GPR107: variants seen among roughly 807,000 people sequenced by gnomAD.
The protein encoded by GPR107 is G protein-coupled receptor 107, also known as protein GPR107.
In GPR107, 31 loss-of-function variants were observed where a neutral mutation model predicts 75.5. The observed-to-expected ratio is 0.41, with a 90% CI of 0.31 to 0.55. The LOEUF (loss-of-function observed/expected upper bound fraction) is 0.55. Ranked by LOEUF, GPR107 falls within the 20% of genes least tolerant of loss-of-function variation. The pLI, the probability that GPR107 is intolerant of heterozygous loss-of-function variation, is 0.26. For missense variants in GPR107, 572 were observed against 665.7 expected, an observed-to-expected ratio of 0.86 and a Z score of 1.55; for synonymous variants, 267 against 251.3, an observed-to-expected ratio of 1.06 and a Z score of -0.59.
At chr9:130,084,250 T>C (rs13290175) in intron 6 of GPR107, among the ~76,000 whole-genome samples, 1 of 150,780 alleles carries the variant, frequency 6.6e-6, no homozygotes, top group Non-Finnish European at 1.5e-5. Flanking sequence ...ATACAAAAAT[T>C]AGCTGGGCTT....
At chr9:130,063,227 G>T (rs1014817403) in intron 1 of GPR107, among the ~76,000 whole-genome samples, 1 of 150,362 alleles carries the variant, frequency 6.7e-6, no homozygotes, top group African/African-American at 2.5e-5. Flanking sequence ...GTCTCGCTCT[G>T]TCGCCCAGGC....
chr9:130,087,587 G>T (rs1354951564), intron 7 of GPR107, among the ~76,000 whole-genome samples: 2 of 151,940 alleles, frequency 1.3e-5, no homozygotes, highest in Non-Finnish European at 2.9e-5. Context: ...GATCACTTGA[G>T]CCCAGGAGTT....
Position 130,112,764 on chromosome 9 carries a change from T to A in GPR107, c.1306+5225T>A, listed in dbSNP as rs1335626586. The stretch of plus-strand genomic sequence containing the variant: ...TTTGTTGTTTTTTATTTATTTATTT[T>A]TTTGAGACAGGGTCTTGCACTGTTG... On this transcript the variant is annotated intron_variant, in intron 14 of 17. Transcript: ENST00000347136. The surrounding 1 kb of genome is among the most constrained non-coding windows in gnomAD (Gnocchi z 4.0). 1.3e-5 allele frequency among the ~76,000 whole-genome samples: 2 copies of A among 152,116 alleles called. No homozygotes were observed. The highest frequency in any genetic ancestry group is 2.9e-5 in the Non-Finnish European group (2 of 68,018).
chr9:130,133,495 A>G (rs954752369), intron 17 of GPR107, among the ~76,000 whole-genome samples: 16 of 152,174 alleles, frequency 1.1e-4, no homozygotes, highest in Admixed American at 8.5e-4. Flanking sequence ...GGGGGCTGCT[A>G]CGTGGCTCGG....
intron 17 of GPR107, chr9:130,129,775 A>G (rs1244637772): frequency 6.6e-6 from 1 of 152,102 alleles, no homozygotes; most frequent in African/African-American, 2.4e-5. Context: ...ATAACCTAAG[A>G]CGCGGTGTGT....
chr9:130,108,848 A>G (rs2132622131), intron 14 of GPR107: 1 of 436,392 alleles, frequency 2.3e-6, no homozygotes, highest in Admixed American at 2.6e-5. Context: ...GGTTCTTTTC[A>G]GTGGCTTTAA....
rs371998212 is a variant in GPR107, at chr9:130,059,612, A to G, written c.141+5539A>G. ...CATGGCTACAATGCTATTATAACAA[A>G]AAAATCCTTAGTATCATATGTCAGA... On this transcript the variant is annotated intron_variant, in intron 1 of 17. Coordinates refer to ENST00000347136, the MANE Select transcript of GPR107 (RefSeq NM_020960.5). Among the ~76,000 whole-genome samples, 95 of 152,344 alleles carry G rather than the reference A, an allele frequency of 6.2e-4. 1 individual carries two copies. The South Asian group carries it at 0.02, about 32-fold the overall frequency.
At chr9:130,075,302 T>C (rs1830316259) in intron 1 of GPR107, among the ~76,000 whole-genome samples, 1 of 141,084 alleles carries the variant, frequency 7.1e-6, no homozygotes. Flanking sequence ...TAGAGTGCAG[T>C]GGCATGATCT....
chr9:130,117,268 T>C (rs1054321167), intron 14 of GPR107, among the ~76,000 whole-genome samples: 1 of 152,176 alleles, frequency 6.6e-6, no homozygotes, highest in Non-Finnish European at 1.5e-5. Flanking sequence ...TTCGATTCAT[T>C]TTCACATGAC....
At chr9:130,067,659 G>T (rs1179882816) in intron 1 of GPR107, among the ~76,000 whole-genome samples, 1 of 148,358 alleles carries the variant, frequency 6.7e-6, no homozygotes. Context: ...TATGTGCAAT[G>T]AGCCAAGAAT....
intron 17 of GPR107, among the ~76,000 whole-genome samples, chr9:130,131,913 C>T (rs888953946): frequency 1.3e-5 from 2 of 152,170 alleles, no homozygotes; most frequent in Non-Finnish European, 2.9e-5. Context: ...CAGGGTCTCA[C>T]TCTGTCACCC....
At chr9:130,077,467 A>G (rs1830377368) in intron 4 of GPR107, 89 bp downstream of exon 4, 3 of 765,408 alleles carry the variant, frequency 3.9e-6, no homozygotes, top group Admixed American at 1.8e-5. Context: ...GGTGTCTGCC[A>G]TGTGCCAGAG....
chr9:130,085,994 G>T (rs1830607363), intron 6 of GPR107, among the ~76,000 whole-genome samples: 3 of 151,964 alleles, frequency 2.0e-5, no homozygotes, highest in African/African-American at 7.3e-5. Flanking sequence ...CAAGTGATCT[G>T]CCCACCTTGG....
chr9:130,105,878 T>C (rs1459319556), intron 13 of GPR107, among the ~76,000 whole-genome samples: 1 of 151,740 alleles, frequency 6.6e-6, no homozygotes, highest in African/African-American at 2.4e-5. Context: ...CAGGCTGGTC[T>C]CAAACTCCTG....
intron 6 of GPR107, among the ~76,000 whole-genome samples, chr9:130,085,411 A>G (rs1473835679): frequency 6.6e-6 from 1 of 152,202 alleles, no homozygotes; most frequent in Non-Finnish European, 1.5e-5. Flanking sequence ...GGGGACATCT[A>G]AATGGTGATG....
intron 1 of GPR107, among the ~76,000 whole-genome samples, chr9:130,058,034 G>C (rs1032892104): frequency 6.6e-6 from 1 of 151,990 alleles, no homozygotes; most frequent in Non-Finnish European, 1.5e-5. Context: ...TTGCCATATT[G>C]ATCAGGCTAG....
chr9:130,062,306 G>C (rs1221591617), intron 1 of GPR107, among the ~76,000 whole-genome samples: 1 of 151,608 alleles, frequency 6.6e-6, no homozygotes, highest in Non-Finnish European at 1.5e-5. Flanking sequence ...CCAGCTACTC[G>C]GGAGGCTGCG....
intron 9 of GPR107, among the ~76,000 whole-genome samples, chr9:130,096,369 C>G (rs531093769): frequency 6.6e-6 from 1 of 152,184 alleles, no homozygotes; most frequent in South Asian, 2.1e-4. Flanking sequence ...GTGCCAGGCC[C>G]CTCTCCTGCT....
intron 13 of GPR107, among the ~76,000 whole-genome samples, chr9:130,106,161 G>T (rs941605174): frequency 2.0e-5 from 3 of 152,130 alleles, no homozygotes; most frequent in Admixed American, 2.0e-4. Flanking sequence ...AAGCTGTCGA[G>T]GTGTAAGCAG....
Sources: gnomAD v4.1 joint callset for allele counts (sites outside exome capture counted in the v4.1 genomes callset) on GRCh38, gnomAD v4.1.1 for gene constraint, Gnocchi (gnomAD v3.1) non-coding constraint, MANE v1.5 for transcripts, NCBI Gene and HGNC (gene_info 2026-07-23, HGNC 2026-07-21) for gene names.